Variants in RTN1 observed in about 807,000 individuals in gnomAD.
RTN1 encodes reticulon 1.
A neutral mutation model predicts 65.5 loss-of-function variants in RTN1; 25 were observed. The observed-to-expected ratio is 0.38, with a 90% CI of 0.28 to 0.53. The LOEUF (loss-of-function observed/expected upper bound fraction) is 0.53, where lower values mean the gene tolerates loss of function less well. RTN1 is among the 20% of genes least tolerant of loss of function. RTN1 has a pLI of 0.79. For synonymous variants in RTN1, 471 were observed against 447.6 expected, an observed-to-expected ratio of 1.05 and a Z score of -0.66; for missense variants, 983 against 1,025.4, an observed-to-expected ratio of 0.96 and a Z score of 0.57.
rs117395878 is a variant in RTN1, at chr14:59,870,731, C to T, written c.-101G>A. 3.7e-3 allele frequency: 4,500 copies of T among 1,225,248 alleles called. 103 individuals carry two copies. The East Asian group carries it at 0.058, about 16-fold the overall frequency. The allele number at this position is 1,225,248 out of a possible 1,614,324, so 75.9% of individuals were successfully genotyped here. A position where few individuals can be genotyped will look rare whatever the true frequency, so the allele number is the denominator to read the frequency against. ...GCTGTCCCCGGAGGGACTCGGCGCTCAGGGAAGCTGCGGTGTCTCAGCGTC... is the reference window on the plus strand; with the variant it reads ...GCTGTCCCCGGAGGGACTCGGCGCTTAGGGAAGCTGCGGTGTCTCAGCGTC... On this transcript the variant is annotated 5_prime_UTR_variant, in exon 1 of 9. Coordinates refer to ENST00000267484, the MANE Select transcript of RTN1 (RefSeq NM_021136.3). This position sits in a 1 kb window ranked among gnomAD's most constrained non-coding sequence, Gnocchi z 5.1.
intron 1 of RTN1, among the ~76,000 whole-genome samples, chr14:59,862,912 C>G (rs1023064046): frequency 2.0e-5 from 3 of 152,142 alleles, no homozygotes; most frequent in African/African-American, 7.2e-5. Flanking sequence ...GACCCTGCTT[C>G]CTATTTCATT....
At chr14:59,761,475 A>T (rs1885747402) in intron 1 of RTN1, among the ~76,000 whole-genome samples, 1 of 152,166 alleles carries the variant, frequency 6.6e-6, no homozygotes. Flanking sequence ...TATGATTGTG[A>T]GGCCTCTCCA....
At chr14:59,661,259 CAAAAAAAAAAA>C (rs768483248) in intron 3 of RTN1, among the ~76,000 whole-genome samples, 2 of 83,398 alleles carry the variant, frequency 2.4e-5, no homozygotes, top group African/African-American at 1.0e-4. Context: ...GCCTACCAAC[CAAAAAAAAAAA>C]AAAAAAAAAG....
chr14:59,745,839 G>C lies in RTN1; in HGVS notation c.884C>G (p.Thr295Ser), dbSNP rs1300197606. The change falls in exon 2 of 9, where the codon ACT becomes AGT. Residue 295 changes from threonine to serine, a missense_variant. Physicochemically the swap from Thr to Ser is moderately conservative, Grantham distance 58. Coordinates refer to ENST00000267484, the MANE Select transcript of RTN1 (RefSeq NM_021136.3). ...LTEIEPSVET[T>S]TQEKTPEKQD... ...CTTCTCAGGGGTCTTCTCTTGGGTA[G>C]TGGTTTCAACAGAAGGTTCTATTTC... The C allele has an allele frequency of 6.2e-7, 1 of 1,614,012 alleles. No individual in the cohort carries two copies. Among genetic ancestry groups the C allele is most frequent in the African/African-American group, 1.3e-5 (1 of 74,900 alleles).
chr14:59,853,455 A>G (rs556257313), intron 1 of RTN1, among the ~76,000 whole-genome samples: 15 of 152,258 alleles, frequency 9.9e-5, no homozygotes, highest in African/African-American at 3.6e-4. Context: ...GTATTTTTAG[A>G]CAGCTGTCAT....
At chr14:59,602,996 CT>C (rs758488649) in intron 8 of RTN1, 68 bp downstream of exon 8, 101 of 1,239,768 alleles carry the variant, frequency 8.1e-5, no homozygotes, top group Middle Eastern at 7.6e-4. Flanking sequence ...CTCATTACCC[CT>C]ATCCTAATCC....
At chr14:59,656,845 T>A (rs1422403968) in intron 3 of RTN1, among the ~76,000 whole-genome samples, 2 of 152,222 alleles carry the variant, frequency 1.3e-5, no homozygotes, top group South Asian at 2.1e-4. Context: ...GCAGACTTTT[T>A]AAACTTACTA....
chr14:59,708,600 C>T (rs1884350279), intron 3 of RTN1, among the ~76,000 whole-genome samples: 1 of 152,112 alleles, frequency 6.6e-6, no homozygotes, highest in African/African-American at 2.4e-5. Flanking sequence ...CATGAGCTAC[C>T]CAGTTGAGAA....
At chr14:59,699,810 C>T (rs1044454765) in intron 3 of RTN1, among the ~76,000 whole-genome samples, 3 of 152,132 alleles carry the variant, frequency 2.0e-5, no homozygotes, top group Admixed American at 2.0e-4. Context: ...AAACTCAAGC[C>T]ATCCAATCTT....
chr14:59,603,059 A>T lies in RTN1; in HGVS notation c.2288+6T>A, dbSNP rs1881629647. 1 of 1,612,548 alleles carries T rather than the reference A, an allele frequency of 6.2e-7. No homozygotes were observed. The highest frequency in any genetic ancestry group is 8.5e-7 in the Non-Finnish European group (1 of 1,178,808). Reference sequence around the variant, plus strand: ...CTCCTTTTATGCATTGCACTATGTGACTTACTTTGCCACAACAGCATTTAT... The same window carrying T: ...CTCCTTTTATGCATTGCACTATGTGTCTTACTTTGCCACAACAGCATTTAT... On this transcript the variant is annotated splice_donor_region_variant and intron_variant, in intron 8 of 8. Transcript: ENST00000267484.
In RTN1 at chr14:59,663,675, C is replaced by T. The variant is rs1016143279; in HGVS notation, c.1766-56183G>A. Among the ~76,000 whole-genome samples the T allele has an allele frequency of 1.3e-4, 19 of 151,322 alleles. No individual in the cohort carries two copies. The South Asian group carries it at 3.8e-3, about 30-fold the overall frequency. On this transcript the variant is annotated intron_variant, in intron 3 of 8. Transcript: ENST00000267484. ...TCAAAAAGTGGGCAAAGGATATGAA[C>T]AGACACTTCTCAATAGAAGACATTT...
Position 59,790,587 on chromosome 14 carries a change from C to T in RTN1, c.242-44106G>A, listed in dbSNP as rs1286745662. On this transcript the variant is annotated intron_variant, in intron 1 of 8. Coordinates refer to ENST00000267484, the MANE Select transcript of RTN1 (RefSeq NM_021136.3). The surrounding 1 kb of genome is among the most constrained non-coding windows in gnomAD (Gnocchi z 4.1). ...GATGCCTGAAGAATTCATTCTCTGG[C>T]GTCAAAGCTTAACCAGAGAATATAT... Among the ~76,000 whole-genome samples, 4 of 152,016 alleles carry T rather than the reference C, an allele frequency of 2.6e-5. No homozygotes were observed. Among genetic ancestry groups the T allele is most frequent in the South Asian group, 2.1e-4 (1 of 4,818 alleles).
intron 1 of RTN1, among the ~76,000 whole-genome samples, chr14:59,838,002 A>C (rs931261714): frequency 6.6e-6 from 1 of 152,108 alleles, no homozygotes; most frequent in Non-Finnish European, 1.5e-5. Context: ...TTACATGGGT[A>C]TAATGCATGA....
At chr14:59,733,795 G>A (rs1884950609) in intron 2 of RTN1, among the ~76,000 whole-genome samples, 1 of 152,266 alleles carries the variant, frequency 6.6e-6, no homozygotes, top group Non-Finnish European at 1.5e-5. Context: ...AGGCTTCTCA[G>A]CTGGTCTAGC....
At chr14:59,671,613 G>A (rs1883506627) in intron 3 of RTN1, among the ~76,000 whole-genome samples, 1 of 152,146 alleles carries the variant, frequency 6.6e-6, no homozygotes, top group African/African-American at 2.4e-5. Context: ...CCCCTCAGTG[G>A]TAGAATCAAG....
chr14:59,694,156 C>G (rs1280382251), intron 3 of RTN1, among the ~76,000 whole-genome samples: 3 of 152,184 alleles, frequency 2.0e-5, no homozygotes, highest in African/African-American at 7.2e-5. Context: ...CATTTCATCA[C>G]TCAGCTCTTA....
At chr14:59,848,229 A>G (rs1037493066) in intron 1 of RTN1, among the ~76,000 whole-genome samples, 2 of 152,202 alleles carry the variant, frequency 1.3e-5, no homozygotes, top group African/African-American at 4.8e-5. Flanking sequence ...CCCCTTTTTG[A>G]GGGCAGAGCA....
chr14:59,643,913 T>A (rs1211182656), intron 3 of RTN1, among the ~76,000 whole-genome samples: 1 of 152,038 alleles, frequency 6.6e-6, no homozygotes, highest in Non-Finnish European at 1.5e-5. Context: ...AAAAACTTAC[T>A]ATGACTAGGT....
chr14:59,712,047 C>G (rs551788387), intron 3 of RTN1, among the ~76,000 whole-genome samples: 2 of 152,234 alleles, frequency 1.3e-5, no homozygotes, highest in Non-Finnish European at 2.9e-5. Context: ...CCCTTTGTAG[C>G]TGAATAAAGG....
Sources: gnomAD v4.1 joint callset for allele counts (sites outside exome capture counted in the v4.1 genomes callset) on GRCh38, gnomAD v4.1.1 for gene constraint, Gnocchi (gnomAD v3.1) non-coding constraint, MANE v1.5 for transcripts, NCBI Gene and HGNC (gene_info 2026-07-23, HGNC 2026-07-21) for gene names.